The following VILL variants were observed in gnomAD, a reference collection of about 807,000 sequenced individuals.
The protein encoded by VILL is villin-like protein.
A neutral mutation model predicts 106.3 loss-of-function variants in VILL; 102 were observed. That is an observed-to-expected ratio of 0.96 (90% CI 0.82 to 1.13). VILL has a LOEUF of 1.13. Ranked by LOEUF, VILL falls within the 50% of genes most tolerant of loss-of-function variation. The pLI is 0.00. For synonymous variants in VILL, 431 were observed against 440.3 expected, an observed-to-expected ratio of 0.98 and a Z score of 0.27; for missense variants, 1,076 against 1,116.6, an observed-to-expected ratio of 0.96 and a Z score of 0.52.
At chr3:38,001,351 G>A in intron 11 of VILL, 105 bp from the exon 12 acceptor site, 8 of 1,529,562 alleles carry the variant, frequency 5.2e-6, no homozygotes, top group East Asian at 2.3e-5. Context: ...CTGCGTGGAT[G>A]AGGAAGGCCT....
intron 14 of VILL, 195 bp from the exon 15 acceptor site, chr3:38,002,973 C>A: frequency 1.4e-6 from 1 of 701,640 alleles, no homozygotes; most frequent in Non-Finnish European, 2.3e-6. Flanking sequence ...GGGTCCCAGA[C>A]CCTGCGATCC....
rs764773284 is a variant in VILL at position 37,994,408 on chromosome 3, C to T, written c.283C>T (p.Arg95Cys). 1 of 1,612,634 alleles carries T rather than the reference C, an allele frequency of 6.2e-7. No homozygotes were observed. Among genetic ancestry groups the T allele is most frequent in the Admixed American group, 1.7e-5 (1 of 59,938 alleles). ...DELGGQTVLH[R>C]EAQGHESDCF... Reference sequence around the variant, plus strand: ...GCTGGGGGGCCAGACCGTGCTGCACCGCGAGGCGCAGGGCCACGAGTCCGA... The same window carrying T: ...GCTGGGGGGCCAGACCGTGCTGCACTGCGAGGCGCAGGGCCACGAGTCCGA... The change falls in exon 4 of 20, where the codon CGC becomes TGC. Residue 95 changes from arginine (R) to cysteine (C), a missense_variant. Transcript: ENST00000383759.
rs1699931418 is a variant in VILL at position 38,006,574 on chromosome 3, T to C, written c.2331T>C (p.Ala777=). Residue 777 remains alanine (A), a synonymous_variant, in exon 19 of 20, where the codon GCT becomes GCC. Transcript: ENST00000383759. Reference sequence around the variant, plus strand: ...ATCTGGTGCGAAGCCCCAAGTCGGCTGGCAGCAGAACCAGCAGCTCCGTCA... The same window carrying C: ...ATCTGGTGCGAAGCCCCAAGTCGGCCGGCAGCAGAACCAGCAGCTCCGTCA... ...ENDLVRSPKS[A]GSRTSSSVSS... 1 of 1,614,152 alleles carries C rather than the reference T, an allele frequency of 6.2e-7. No homozygotes were observed. The highest frequency in any genetic ancestry group is 2.2e-5 in the East Asian group (1 of 44,884).
At chr3:37,988,813 G>A (rs1699577951), upstream of VILL, among the ~76,000 whole-genome samples, 1 of 152,208 alleles carries the variant, frequency 6.6e-6, no homozygotes, top group South Asian at 2.1e-4. Flanking sequence ...AGTGAGCCAA[G>A]ATCATGCCAT....
rs73060812 is a variant in VILL, at chr3:37,997,042, G to T, written c.451-35G>T. ...TGCTCCCCTCTAGCGGATGCTGGTG[G>T]TATGACACTCTGTCTCTCTCCCTGG... On this transcript the variant is annotated intron_variant, in intron 5 of 19. Coordinates refer to ENST00000383759, the MANE Select transcript of VILL (RefSeq NM_015873.4). The surrounding 1 kb of genome is among the most constrained non-coding windows in gnomAD (Gnocchi z 4.7). The T allele has an allele frequency of 0.026, 41,135 of 1,590,400 alleles. 596 individuals are homozygous for T. The highest frequency in any genetic ancestry group is 0.034 in the Middle Eastern group (202 of 5,976).
At position 37,994,417 on chromosome 3, in the gene VILL, C is replaced by T. The variant is rs1351969747; in HGVS notation, c.292C>T (p.Gln98Ter). 3 of 1,612,560 alleles carry T rather than the reference C, an allele frequency of 1.9e-6. No individual in the cohort carries two copies. The highest frequency in any genetic ancestry group is 1.7e-5 in the Admixed American group (1 of 59,926). ...CCAGACCGTGCTGCACCGCGAGGCG[C>T]AGGGCCACGAGTCCGACTGCTTCTG... ...GGQTVLHREA[Q>*]GHESDCFCSY... is the part of the protein sequence containing the mutation. The change falls in exon 4 of 20, where the codon CAG becomes TAG. Residue 98 changes from glutamine to a stop codon, truncating the protein, a stop_gained. Transcript: ENST00000383759. LOFTEE classifies it high-confidence loss of function.
intron 11 of VILL, chr3:38,000,853 A>G: frequency 2.2e-6 from 1 of 456,640 alleles, no homozygotes; most frequent in South Asian, 1.5e-5. Flanking sequence ...GAGGTAAGGG[A>G]GGCGTCATCA....
At chr3:38,004,148 C>T (rs1182170544) in intron 15 of VILL, 107 bp from the exon 16 acceptor site, 2 of 1,456,178 alleles carry the variant, frequency 1.4e-6, no homozygotes, top group African/African-American at 2.8e-5. Flanking sequence ...GGGCCCAGGG[C>T]TCCCACTCCT....
Position 37,993,573 on chromosome 3 carries a change from G to A in VILL, c.-86-14G>A. ...ACAGAGCCCTCCTAATAAAAGTCAT[G>A]TTCTATAATGAAGTTGTACAGGTAG... On this transcript the variant is annotated splice_polypyrimidine_tract_variant and intron_variant, in intron 1 of 19. Transcript: ENST00000383759. 1 of 1,094,182 alleles carries A rather than the reference G, an allele frequency of 9.1e-7. No individual in the cohort carries two copies. Among genetic ancestry groups the A allele is most frequent in the South Asian group, 1.4e-5 (1 of 71,544 alleles). 67.8% of individuals were successfully genotyped at this position (1,094,182 alleles called of 1,614,324 possible). A position where few individuals can be genotyped will look rare whatever the true frequency, so the allele number is the denominator to read the frequency against.
In VILL at chr3:37,997,169, CATTTCT is replaced by C; in HGVS notation, c.544_549del (p.Ile182_Ser183del). On this transcript the variant is annotated inframe_deletion, in exon 6 of 20. Coordinates refer to ENST00000383759, the MANE Select transcript of VILL (RefSeq NM_015873.4). This position sits in a 1 kb window ranked among gnomAD's most constrained non-coding sequence, Gnocchi z 4.7. The stretch of plus-strand genomic sequence containing the variant: ...TTCAGTGGAATGGGCCCAAGACCAG[CATTTCT>C]GAGAAGGCTCGGGTCAGTGTCTGCC... The C allele has an allele frequency of 6.2e-7, 1 of 1,614,180 alleles. No individual in the cohort carries two copies.
intron 4 of VILL, 23 bp from the exon 5 acceptor site, chr3:37,995,716 C>T (rs1324885008): frequency 6.3e-7 from 1 of 1,588,812 alleles, no homozygotes; most frequent in Non-Finnish European, 8.6e-7. Flanking sequence ...AATGTATATA[C>T]CCTCCTGCTA....
chr3:37,993,629 G>A lies in VILL; in HGVS notation c.-44G>A, dbSNP rs1472736386. 2 of 1,598,760 alleles carry A rather than the reference G, an allele frequency of 1.3e-6. No individual in the cohort carries two copies. The highest frequency in any genetic ancestry group is 1.7e-5 in the Admixed American group (1 of 58,750). The stretch of plus-strand genomic sequence containing the variant: ...TGTCGGTCTCCAGCCTGAGAACTCT[G>A]GCTGTTGTTCCTTGTGTCGTCCCAT... On this transcript the variant is annotated 5_prime_UTR_variant, in exon 2 of 20. Coordinates refer to ENST00000383759, the MANE Select transcript of VILL (RefSeq NM_015873.4).
chr3:37,996,831 G>T (rs1699710018), intron 5 of VILL, among the ~76,000 whole-genome samples: 1 of 152,050 alleles, frequency 6.6e-6, no homozygotes, highest in Non-Finnish European at 1.5e-5. Flanking sequence ...ACACACAAAA[G>T]ATAAACAGAT....
rs765405961 is a variant in VILL at position 37,997,119 on chromosome 3, C to T, written c.493C>T (p.Leu165=). The part of the protein sequence containing the change: ...WNSFNKGDIF[L]LDLGKMMIQW... Reference sequence around the variant, plus strand: ...CAGCTTTAATAAGGGTGACATCTTCCTGCTGGACCTAGGCAAGATGATGAT... The same window carrying T: ...CAGCTTTAATAAGGGTGACATCTTCTTGCTGGACCTAGGCAAGATGATGAT... Residue 165 remains leucine (L), a synonymous_variant, in exon 6 of 20, where the codon CTG becomes TTG. Coordinates refer to ENST00000383759, the MANE Select transcript of VILL (RefSeq NM_015873.4). This position sits in a 1 kb window ranked among gnomAD's most constrained non-coding sequence, Gnocchi z 4.7. 1.9e-6 allele frequency: 3 copies of T among 1,614,160 alleles called. No individual in the cohort carries two copies. Among genetic ancestry groups the T allele is most frequent in the Admixed American group, 3.3e-5 (2 of 60,030 alleles).
upstream of VILL, among the ~76,000 whole-genome samples, chr3:37,990,165 AG>A (rs1699592147): frequency 6.6e-6 from 1 of 152,194 alleles, no homozygotes; most frequent in Non-Finnish European, 1.5e-5. This position sits in a 1 kb window ranked among gnomAD's most constrained non-coding sequence, Gnocchi z 5.1. Context: ...AGAGAGTGGC[AG>A]TGGAGTGGCA....
chr3:38,003,487 C>A (rs1370953828), intron 15 of VILL, 174 bp downstream of exon 15: 3 of 835,082 alleles, frequency 3.6e-6, no homozygotes, highest in Non-Finnish European at 5.3e-6. Flanking sequence ...CGCTCCCAGG[C>A]CTGGGTAACT....
In VILL at chr3:37,999,060, C is replaced by A. The variant is rs368748196; in HGVS notation, c.1081+10C>A. ...AAGCTCGGCGGGAGGGGTGAGCGGG[C>A]GGGGCGGGGCTGACGGGGGCGGGGC... On this transcript the variant is annotated intron_variant, in intron 10 of 19. Coordinates refer to ENST00000383759, the MANE Select transcript of VILL (RefSeq NM_015873.4). 7.8e-4 allele frequency: 193 copies of A among 246,766 alleles called. 1 individual carries two copies. The highest frequency in any genetic ancestry group is 7.0e-3 in the East Asian group (40 of 5,736). 15.3% of individuals were successfully genotyped at this position (246,766 alleles called of 1,614,324 possible).
upstream of VILL, chr3:37,988,122 C>T: frequency 6.6e-6 from 1 of 152,410 alleles, no homozygotes; most frequent in Non-Finnish European, 1.5e-5. Context: ...AGTAAAGGAG[C>T]AGCTACGGGA....
Position 37,993,885 on chromosome 3 carries a change from T to C in VILL, c.61-13T>C, listed in dbSNP as rs1316975917. Reference sequence around the variant, plus strand: ...GGCCTCCTGAGTTGTTACAGGGAACTCTCCTCTCCCAGAACCGGAAGATGG... The same window carrying C: ...GGCCTCCTGAGTTGTTACAGGGAACCCTCCTCTCCCAGAACCGGAAGATGG... On this transcript the variant is annotated splice_polypyrimidine_tract_variant and intron_variant, in intron 2 of 19. Transcript: ENST00000383759. 2 of 1,614,008 alleles carry C rather than the reference T, an allele frequency of 1.2e-6. No homozygotes were observed. Among genetic ancestry groups the C allele is most frequent in the East Asian group, 2.2e-5 (1 of 44,882 alleles).
Sources: gnomAD v4.1 joint callset for allele counts (sites outside exome capture counted in the v4.1 genomes callset) on GRCh38, gnomAD v4.1.1 for gene constraint, Gnocchi (gnomAD v3.1) non-coding constraint, MANE v1.5 for transcripts, NCBI Gene and HGNC (gene_info 2026-07-23, HGNC 2026-07-21) for gene names.